LYPLAL1: variants seen among roughly 807,000 people sequenced by gnomAD.
LYPLAL1 encodes the protein lysophospholipase like 1, also known as lysophospholipase-like protein 1.
Under a neutral mutation model 19.7 loss-of-function variants are expected in LYPLAL1, and 23 were observed. The observed-to-expected ratio is 1.17, with a 90% CI of 0.84 to 1.65. The LOEUF is 1.65. LYPLAL1 is among the 40% of genes most tolerant of loss of function. The pLI, the probability that LYPLAL1 is intolerant of heterozygous loss-of-function variation, is 0.00. For synonymous variants in LYPLAL1, 119 were observed against 96.3 expected, an observed-to-expected ratio of 1.24 and a Z score of -1.38; for missense variants, 355 against 279.4, an observed-to-expected ratio of 1.27 and a Z score of -1.93.
chr1:219,434,795 C>T, the LYPLAL1 span, among the ~76,000 whole-genome samples: 114 of 152,124 alleles, frequency 7.5e-4, 1 homozygote, highest in Non-Finnish European at 5.3e-4. Context: ...TACAGGAGAT[C>T]GGAGGGTTAG....
the LYPLAL1 span, among the ~76,000 whole-genome samples, chr1:219,373,559 G>C: frequency 1.3e-5 from 2 of 152,058 alleles, no homozygotes; most frequent in African/African-American, 4.8e-5. Context: ...CATTTTTTTA[G>C]TTCTCTTTTT....
chr1:219,216,777 C>T (rs913154161), downstream of LYPLAL1, among the ~76,000 whole-genome samples: 2 of 152,112 alleles, frequency 1.3e-5, no homozygotes, highest in African/African-American at 4.8e-5. Flanking sequence ...TCAGTATCCT[C>T]ATGGCCCCAG....
At chr1:219,260,584 G>T in the LYPLAL1 span, among the ~76,000 whole-genome samples, 1 of 149,196 alleles carries the variant, frequency 6.7e-6, no homozygotes, top group Non-Finnish European at 1.5e-5. Context: ...TGATACAGAG[G>T]GGTCGAATAA....
the LYPLAL1 span, among the ~76,000 whole-genome samples, chr1:219,339,911 G>A: frequency 6.6e-6 from 1 of 151,952 alleles, no homozygotes; most frequent in Non-Finnish European, 1.5e-5. Flanking sequence ...CCACATATTG[G>A]CAAGAACTTG....
At chr1:219,425,562 T>C in the LYPLAL1 span, among the ~76,000 whole-genome samples, 1 of 152,210 alleles carries the variant, frequency 6.6e-6, no homozygotes, top group Non-Finnish European at 1.5e-5. Context: ...CGAAATTTGT[T>C]AATCCTCAAT....
At chr1:219,422,179 T>C in the LYPLAL1 span, among the ~76,000 whole-genome samples, 16 of 152,372 alleles carry the variant, frequency 1.1e-4, 1 homozygote, top group African/African-American at 3.8e-4. Flanking sequence ...TAGTAAATTG[T>C]TAAGATTTCT....
the LYPLAL1 span, among the ~76,000 whole-genome samples, chr1:219,356,812 T>TAAAACCCACTAATA: frequency 6.6e-6 from 1 of 152,214 alleles, no homozygotes; most frequent in African/African-American, 2.4e-5. Flanking sequence ...CTAATTACAT[T>TAAAACCCACTAATA]AAAACCCACT....
chr1:219,252,429 G>A, the LYPLAL1 span, among the ~76,000 whole-genome samples: 4 of 152,026 alleles, frequency 2.6e-5, no homozygotes, highest in Non-Finnish European at 4.4e-5. Context: ...GTCATAGATG[G>A]CTCTTATTAT....
intron 3 of LYPLAL1, among the ~76,000 whole-genome samples, chr1:219,201,193 A>G (rs1161007421): frequency 6.6e-6 from 1 of 152,180 alleles, no homozygotes. Flanking sequence ...TTTCAATTCC[A>G]TTATAGTTTG....
Position 219,174,790 on chromosome 1 carries a change from TTTTTA to T in LYPLAL1, c.91+810_91+814del, listed in dbSNP as rs368404915. 9.8e-4 allele frequency: 595 copies of T among 604,644 alleles called. 3 individuals are homozygous for T. In the South Asian group the frequency reaches 0.013, roughly 13 times the overall value. 37.5% of individuals were successfully genotyped at this position (604,644 alleles called of 1,614,324 possible). ...CCCAGGGTAAGCTCTCAGGAAATGT[TTTTTA>T]AAGAAATGAGATGCAGCCGGTGTCC... On this transcript the variant is annotated intron_variant, in intron 1 of 4. Transcript: ENST00000366928.
At chr1:219,346,349 G>A in the LYPLAL1 span, among the ~76,000 whole-genome samples, 1 of 152,100 alleles carries the variant, frequency 6.6e-6, no homozygotes, top group African/African-American at 2.4e-5. Context: ...GTAAGGAAGA[G>A]GAGTGTCAGT....
chr1:219,237,604 ACTTTT>A, the LYPLAL1 span, among the ~76,000 whole-genome samples: 236 of 151,582 alleles, frequency 1.6e-3, 1 homozygote, highest in African/African-American at 5.3e-3. Flanking sequence ...AGAACTTTCT[ACTTTT>A]CTTCTTTTCT....
At chr1:219,229,320 A>AGAGAGAGAGAGAGAGAGAGAGAGAGAG in the LYPLAL1 span, among the ~76,000 whole-genome samples, 2 of 149,728 alleles carry the variant, frequency 1.3e-5, no homozygotes, top group African/African-American at 5.0e-5. Context: ...AGAGAGAGAG[A>AGAGAGAGAGAGAGAGAGAGAGAGAGAG]GAGAGAGAGA....
At chr1:219,364,011 T>C in the LYPLAL1 span, among the ~76,000 whole-genome samples, 1 of 152,056 alleles carries the variant, frequency 6.6e-6, no homozygotes, top group African/African-American at 2.4e-5. Flanking sequence ...GTTCTCCCAC[T>C]TAAAAAAGAA....
chr1:219,289,391 A>G, the LYPLAL1 span, among the ~76,000 whole-genome samples: 5 of 152,160 alleles, frequency 3.3e-5, no homozygotes, highest in African/African-American at 4.8e-5. Context: ...TTCTCACAGA[A>G]TGGAGGCTCT....
the LYPLAL1 span, among the ~76,000 whole-genome samples, chr1:219,236,958 A>G: frequency 8.0e-5 from 12 of 150,246 alleles, no homozygotes; most frequent in South Asian, 2.5e-3. Flanking sequence ...CCCTGTGTCC[A>G]TGTGTAAGAG....
At chr1:219,269,528 A>G in the LYPLAL1 span, among the ~76,000 whole-genome samples, 1 of 152,298 alleles carries the variant, frequency 6.6e-6, no homozygotes, top group Middle Eastern at 3.4e-3. Flanking sequence ...TTAATATTCT[A>G]TCAATGCTTT....
the LYPLAL1 span, among the ~76,000 whole-genome samples, chr1:219,340,622 T>TA: frequency 6.6e-6 from 1 of 152,070 alleles, no homozygotes; most frequent in Non-Finnish European, 1.5e-5. Flanking sequence ...AATTTTAGAA[T>TA]GTTTTCCTTT....
At chr1:219,181,405 C>T (rs560151458) in intron 2 of LYPLAL1, among the ~76,000 whole-genome samples, 70 of 152,260 alleles carry the variant, frequency 4.6e-4, no homozygotes, top group African/African-American at 1.6e-3. Flanking sequence ...TTGGGAGCCA[C>T]TGTTCTAGAT....
Sources: gnomAD v4.1 joint callset for allele counts (sites outside exome capture counted in the v4.1 genomes callset) on GRCh38, gnomAD v4.1.1 for gene constraint, MANE v1.5 for transcripts, NCBI Gene and HGNC (gene_info 2026-07-23, HGNC 2026-07-21) for gene names.